The following ATP6AP2 variants were observed in gnomAD, a reference collection of about 807,000 sequenced individuals.
ATP6AP2 encodes renin receptor.
In ATP6AP2, 1 loss-of-function variant was observed where a neutral mutation model predicts 23.4. That is an observed-to-expected ratio of 0.04 (90% CI 0.02 to 0.20). The LOEUF is 0.20. Among genes scored for constraint, ATP6AP2 ranks in the 10% least tolerant of loss-of-function variants. The probability of loss-of-function intolerance (pLI) is 1.00; values close to 1 mark genes in which losing one functional copy is unlikely to be tolerated. For synonymous variants in ATP6AP2, 90 were observed against 97.1 expected, an observed-to-expected ratio of 0.93 and a Z score of 0.43; for missense variants, 174 against 271.3, an observed-to-expected ratio of 0.64 and a Z score of 2.52.
chrX:40,603,031 T>A (rs1053261501), intron 8 of ATP6AP2, among the ~76,000 whole-genome samples: 1 of 103,487 alleles, frequency 9.7e-6, no homozygotes. Context: ...CCTCCCAGAT[T>A]CAAGTGATTC....
chrX:40,589,999 CAAAGTGAACAG>C (rs1926583411), intron 2 of ATP6AP2: 1 of 111,686 alleles, frequency 9.0e-6, no homozygotes, highest in African/African-American at 3.3e-5. Flanking sequence ...TTTGGGCAAC[CAAAGTGAACAG>C]GATTGGTTGT....
chrX:40,601,952 T>C (rs1926916474), intron 8 of ATP6AP2, among the ~76,000 whole-genome samples: 1 of 112,401 alleles, frequency 8.9e-6, no homozygotes, highest in Non-Finnish European at 1.9e-5. Context: ...ATAAAACGTC[T>C]AGAAATGCTA....
Position 40,599,637 on chromosome X carries a change from T to C in ATP6AP2, c.634T>C (p.Tyr212His). The change falls in exon 7 of 9, where the codon TAT becomes CAT. Residue 212 changes from tyrosine to histidine, a missense_variant. Tyr to His is a moderately conservative substitution (Grantham distance 83). Transcript: ENST00000636580. ...HLAKDHSPDL[Y>H]SLELAGLDEI... is the part of the protein sequence containing the mutation. ...AGCCAAGGATCATTCTCCTGATTTATATTCACTGGAGCTGGCAGGTTTGGA... is the reference window on the plus strand; with the variant it reads ...AGCCAAGGATCATTCTCCTGATTTACATTCACTGGAGCTGGCAGGTTTGGA... 8.3e-7 allele frequency: 1 copy of C among 1,211,467 alleles called. No homozygotes were observed. The highest frequency in any genetic ancestry group is 1.1e-6 in the Non-Finnish European group (1 of 895,166).
chrX:40,598,658 C>T (rs747752245), intron 5 of ATP6AP2, 23 bp from the exon 6 acceptor site: 55 of 1,181,043 alleles, frequency 4.7e-5, no homozygotes, highest in Non-Finnish European at 6.0e-5. Context: ...AAAGAATGCT[C>T]TTTTTTTTTG....
Position 40,581,054 on chromosome X carries a change from C to T in ATP6AP2, c.-12C>T. The T allele has an allele frequency of 8.6e-7, 1 of 1,164,378 alleles. No homozygotes were observed. The highest frequency in any genetic ancestry group is 1.1e-6 in the Non-Finnish European group (1 of 872,057). On this transcript the variant is annotated 5_prime_UTR_variant, in exon 1 of 9. Transcript: ENST00000636580. ...CCGTGTCGCCCCGCAGTGCTGCGGCCGCCGCGGCACCATGGCTGTGTTTGT... is the reference window on the plus strand; with the variant it reads ...CCGTGTCGCCCCGCAGTGCTGCGGCTGCCGCGGCACCATGGCTGTGTTTGT...
intron 3 of ATP6AP2, among the ~76,000 whole-genome samples, chrX:40,595,344 C>T (rs1926751069): frequency 9.0e-6 from 1 of 111,493 alleles, no homozygotes; most frequent in South Asian, 3.7e-4. Context: ...TTTAACGAAG[C>T]TTCCATTTGA....
intron 2 of ATP6AP2, chrX:40,590,591 C>G (rs930133930): frequency 9.0e-6 from 1 of 110,504 alleles, no homozygotes; most frequent in Non-Finnish European, 1.9e-5. Context: ...GTTGCTCAGG[C>G]TGGTCTTGAA....
intron 2 of ATP6AP2, chrX:40,589,558 G>T (rs1261689241): frequency 1.8e-5 from 2 of 108,274 alleles, no homozygotes; most frequent in Admixed American, 9.8e-5. Context: ...CTACTTTCTG[G>T]TTTTTTTTTT....
At chrX:40,598,846 T>A (rs1926835870) in intron 6 of ATP6AP2, 112 bp downstream of exon 6, 1 of 772,400 alleles carries the variant, frequency 1.3e-6, no homozygotes, top group Non-Finnish European at 1.9e-6. Flanking sequence ...AGATTTATGA[T>A]CCCATGAAAA....
chrX:40,594,350 A>C (rs1289869684), intron 3 of ATP6AP2, among the ~76,000 whole-genome samples: 2 of 112,705 alleles, frequency 1.8e-5, no homozygotes, highest in African/African-American at 6.4e-5. Flanking sequence ...TCATCAAGGA[A>C]ATGGAAAATC....
In ATP6AP2 at chrX:40,605,762, C is replaced by T. The variant is rs749825521; in HGVS notation, c.*7C>T. ...GAAGATTCGAATGGATTGAATGTTA[C>T]CTGTGCCAGAATTAGAAAAGGGGGT... On this transcript the variant is annotated 3_prime_UTR_variant, in exon 9 of 9. Transcript: ENST00000636580. The T allele has an allele frequency of 8.4e-7, 1 of 1,195,333 alleles. No individual in the cohort carries two copies. The highest frequency in any genetic ancestry group is 1.1e-6 in the Non-Finnish European group (1 of 882,957).
chrX:40,601,671 C>T (rs1926910209), intron 8 of ATP6AP2, among the ~76,000 whole-genome samples: 2 of 109,882 alleles, frequency 1.8e-5, no homozygotes, highest in Non-Finnish European at 3.8e-5. Context: ...CGTCTGAGAA[C>T]ATTGCTTAGG....
At chrX:40,605,352 C>T in intron 8 of ATP6AP2, 1 of 425,296 alleles carries the variant, frequency 2.4e-6, no homozygotes, top group Non-Finnish European at 4.1e-6. Context: ...CCAGTTTTCC[C>T]AAGCATTTGG....
At chrX:40,590,905 GCTA>G (rs1356912642) in intron 2 of ATP6AP2, 1 of 225,674 alleles carries the variant, frequency 4.4e-6, no homozygotes, top group Non-Finnish European at 8.1e-6. Flanking sequence ...AATTTCCATG[GCTA>G]CATGAAGAAA....
At chrX:40,604,675 G>A (rs768189273) in intron 8 of ATP6AP2, among the ~76,000 whole-genome samples, 1 of 111,791 alleles carries the variant, frequency 8.9e-6, no homozygotes, top group East Asian at 2.8e-4. Context: ...GGTAACTGCT[G>A]TCCTGGATAT....
Position 40,580,975 on chromosome X carries a change from C to G in ATP6AP2, c.-91C>G, listed in dbSNP as rs745908628. Reference sequence around the variant, plus strand: ...CGGGACCCGGGAGCCTGGACGAGTCCGAGCGCGTCACCTCCTCACGCTGCG... The same window carrying G: ...CGGGACCCGGGAGCCTGGACGAGTCGGAGCGCGTCACCTCCTCACGCTGCG... On this transcript the variant is annotated 5_prime_UTR_variant, in exon 1 of 9. Coordinates refer to ENST00000636580, the MANE Select transcript of ATP6AP2 (RefSeq NM_005765.3). 34 of 1,089,894 alleles carry G rather than the reference C, an allele frequency of 3.1e-5. 1 individual carries two copies. In the Admixed American group the frequency reaches 6.2e-4, roughly 20 times the overall value. 89.8% of individuals were successfully genotyped at this position (1,089,894 alleles called of 1,213,427 possible).
At chrX:40,601,003 A>ATTGTT in intron 8 of ATP6AP2, 122 bp downstream of exon 8, 1 of 748,492 alleles carries the variant, frequency 1.3e-6, no homozygotes, top group Non-Finnish European at 1.9e-6. Flanking sequence ...CTGAAAAACA[A>ATTGTT]TTTCAGTTAA....
intron 1 of ATP6AP2, among the ~76,000 whole-genome samples, chrX:40,583,438 A>G (rs747052694): frequency 8.9e-6 from 1 of 111,937 alleles, no homozygotes; most frequent in South Asian, 3.7e-4. Flanking sequence ...CAGCATGTGT[A>G]AAAGCATGGC....
intron 3 of ATP6AP2, among the ~76,000 whole-genome samples, chrX:40,593,012 C>T (rs1420683775): frequency 8.9e-6 from 1 of 112,419 alleles, no homozygotes; most frequent in Non-Finnish European, 1.9e-5. Flanking sequence ...CTTTGAGAGG[C>T]CAAGGCGGGT....
Sources: allele counts gnomAD v4.1 joint callset (sites outside exome capture counted in the v4.1 genomes callset), GRCh38; gene constraint gnomAD v4.1.1; transcripts MANE v1.5; gene names NCBI Gene and HGNC (gene_info 2026-07-23, HGNC 2026-07-21).